Variants in NRXN1 observed in about 807,000 individuals in gnomAD.
NRXN1 encodes neurexin-1.
In NRXN1, 39 loss-of-function variants were observed where a neutral mutation model predicts 150.9. The ratio of observed to expected loss-of-function variants is 0.26; its 90% CI spans 0.20 to 0.34. NRXN1 has a LOEUF of 0.34. Among genes scored for constraint, NRXN1 ranks in the 10% least tolerant of loss-of-function variants. The pLI is 1.00. For synonymous variants in NRXN1, 924 were observed against 757.0 expected (o/e 1.22, Z -3.62); for missense variants, 1,815 against 1,949.9 (o/e 0.93, Z 1.30).
chr2:50,409,080 C>T (rs1439888980), intron 17 of NRXN1, among the ~76,000 whole-genome samples: 2 of 152,144 alleles, frequency 1.3e-5, no homozygotes, highest in East Asian at 1.9e-4. Context: ...ATGCATGCTG[C>T]AGCCAAGAGG....
At chr2:50,716,077 G>A (rs1379766368) in intron 5 of NRXN1, among the ~76,000 whole-genome samples, 1 of 152,110 alleles carries the variant, frequency 6.6e-6, no homozygotes, top group Non-Finnish European at 1.5e-5. Context: ...TGTGATGACT[G>A]ATATAAATGA....
intron 8 of NRXN1, among the ~76,000 whole-genome samples, chr2:50,562,169 C>T (rs1252966532): frequency 1.8e-4 from 28 of 152,130 alleles, no homozygotes; most frequent in Admixed American, 1.8e-3. Context: ...AATGCATCTT[C>T]TTTTGTGTCT....
intron 21 of NRXN1, among the ~76,000 whole-genome samples, chr2:49,978,489 ACTC>A (rs1432071651): frequency 2.0e-5 from 3 of 151,576 alleles, no homozygotes; most frequent in East Asian, 3.9e-4. Flanking sequence ...TCCTCCTGGG[ACTC>A]CTCTAATGCT....
At chr2:50,459,453 C>T (rs555329728) in intron 17 of NRXN1, among the ~76,000 whole-genome samples, 1 of 152,240 alleles carries the variant, frequency 6.6e-6, no homozygotes, top group South Asian at 2.1e-4. Flanking sequence ...TTCTGCTCCT[C>T]TCCCTCTTCC....
At chr2:50,479,695 C>T (rs1054490801) in intron 15 of NRXN1, among the ~76,000 whole-genome samples, 1 of 150,046 alleles carries the variant, frequency 6.7e-6, no homozygotes, top group Non-Finnish European at 1.5e-5. Flanking sequence ...TTGTCCCTGG[C>T]TCTTTTTACC....
At chr2:50,751,274 AC>A (rs1700566399) in intron 5 of NRXN1, among the ~76,000 whole-genome samples, 2 of 152,076 alleles carry the variant, frequency 1.3e-5, no homozygotes, top group Non-Finnish European at 2.9e-5. Flanking sequence ...ATTACATACT[AC>A]TATATACAGC....
intron 21 of NRXN1, among the ~76,000 whole-genome samples, chr2:49,964,202 G>T (rs1489825589): frequency 2.0e-5 from 3 of 152,184 alleles, no homozygotes; most frequent in African/African-American, 4.8e-5. Context: ...GTTTCTCAGA[G>T]CATCCATTGA....
intron 17 of NRXN1, among the ~76,000 whole-genome samples, chr2:50,385,409 C>A (rs1572774772): frequency 6.6e-6 from 1 of 152,172 alleles, no homozygotes; most frequent in Admixed American, 6.5e-5. Context: ...TTCCTTAATT[C>A]AGTACTGCCA....
chr2:50,862,494 G>T (rs1176481573), intron 5 of NRXN1, among the ~76,000 whole-genome samples: 1 of 151,986 alleles, frequency 6.6e-6, no homozygotes, highest in Non-Finnish European at 1.5e-5. Context: ...GCATTAAGTG[G>T]TCTAAGGTCA....
chr2:50,172,907 C>T lies in NRXN1; in HGVS notation c.3546+63882G>A, dbSNP rs190549778. Among the ~76,000 whole-genome samples, 859 of 152,244 alleles carry T rather than the reference C, an allele frequency of 5.6e-3. 5 individuals carry two copies. Among genetic ancestry groups the T allele is most frequent in the Non-Finnish European group, 7.9e-3 (537 of 68,014 alleles). ...GCTTGAACTTGGGAGGTGGAGGTTA[C>T]AGTGAGCTGAGATTGTGCCACTGCA... On this transcript the variant is annotated intron_variant, in intron 18 of 22. Transcript: ENST00000401669.
At chr2:50,642,912 G>T (rs1341146565) in intron 5 of NRXN1, among the ~76,000 whole-genome samples, 1 of 151,956 alleles carries the variant, frequency 6.6e-6, no homozygotes, top group African/African-American at 2.4e-5. Flanking sequence ...ACCTGTCAAA[G>T]AGGATATTGG....
At position 49,943,726 on chromosome 2, in the gene NRXN1, A is replaced by G; in HGVS notation, c.4194T>C (p.Cys1398=). ...AACCTAACCCACCTGAGCTCGGCTC[A>G]CAGGGGTCAATGTCCTCATCATCGC... ...CPSDDEDIDP[C]EPSSGGLANP... Residue 1398 remains cysteine, a synonymous_variant, in exon 22 of 23, where the codon TGT becomes TGC. Coordinates refer to ENST00000401669, the MANE Select transcript of NRXN1 (RefSeq NM_001330078.2). 1.2e-6 allele frequency: 2 copies of G among 1,612,128 alleles called. No homozygotes were observed. The highest frequency in any genetic ancestry group is 8.5e-7 in the Non-Finnish European group (1 of 1,179,074).
In NRXN1 at chr2:50,293,320, C is replaced by T. The variant is rs183641582; in HGVS notation, c.3365-56350G>A. On this transcript the variant is annotated intron_variant, in intron 17 of 22. Coordinates refer to ENST00000401669, the MANE Select transcript of NRXN1 (RefSeq NM_001330078.2). Reference sequence around the variant, plus strand: ...AGTTATATACACCAGTGATAGTTCTCGGCCCAAAGTGCCTTTCATATTCAC... The same window carrying T: ...AGTTATATACACCAGTGATAGTTCTTGGCCCAAAGTGCCTTTCATATTCAC... 5.3e-5 allele frequency among the ~76,000 whole-genome samples: 8 copies of T among 152,136 alleles called. No homozygotes were observed. In the East Asian group the frequency reaches 5.8e-4, roughly 11 times the overall value.
At chr2:50,649,263 C>CACACAT in intron 5 of NRXN1, among the ~76,000 whole-genome samples, 1 of 128,744 alleles carries the variant, frequency 7.8e-6, no homozygotes, top group Admixed American at 7.8e-5. Context: ...CACACATACA[C>CACACAT]ACACACACAC....
At chr2:50,481,433 T>C (rs11684125) in intron 15 of NRXN1, among the ~76,000 whole-genome samples, 47,356 of 152,206 alleles carry the variant, frequency 0.31, 7,709 homozygotes, top group South Asian at 0.42. Flanking sequence ...ATTCAAATTC[T>C]GATACATAAG....
At chr2:49,971,785 A>G (rs1678003686) in intron 21 of NRXN1, among the ~76,000 whole-genome samples, 1 of 152,168 alleles carries the variant, frequency 6.6e-6, no homozygotes, top group Non-Finnish European at 1.5e-5. Flanking sequence ...TTATTCTTCA[A>G]CTTTGGGAAA....
At chr2:50,378,211 G>A (rs2080670966) in intron 17 of NRXN1, among the ~76,000 whole-genome samples, 1 of 152,028 alleles carries the variant, frequency 6.6e-6, no homozygotes. Context: ...TTCATTTTTT[G>A]GGGTGATTTT....
rs553815210 is a variant in NRXN1 at position 50,654,084 on chromosome 2, G to C, written c.833-30469C>G. On this transcript the variant is annotated intron_variant, in intron 5 of 22. Coordinates refer to ENST00000401669, the MANE Select transcript of NRXN1 (RefSeq NM_001330078.2). ...TAGGGTACATGTGTACAACGTGCAG[G>C]TTTGTTACATATGTATACATGTGCC... Among the ~76,000 whole-genome samples the C allele has an allele frequency of 6.4e-3, 946 of 148,616 alleles. 12 individuals are homozygous for C. Among genetic ancestry groups the C allele is most frequent in the African/African-American group, 0.022 (879 of 40,272 alleles).
At chr2:50,265,928 G>C (rs951649313) in intron 17 of NRXN1, among the ~76,000 whole-genome samples, 25 of 150,606 alleles carry the variant, frequency 1.7e-4, no homozygotes, top group Admixed American at 1.7e-3. Context: ...CAAAGATAGA[G>C]GTTTGAGGAC....
Sources: gnomAD v4.1 joint callset for allele counts (sites outside exome capture counted in the v4.1 genomes callset) on GRCh38, gnomAD v4.1.1 for gene constraint, MANE v1.5 for transcripts, NCBI Gene and HGNC (gene_info 2026-07-23, HGNC 2026-07-21) for gene names.